MAPT: variants seen among roughly 807,000 people sequenced by gnomAD.
MAPT encodes the protein microtubule-associated protein tau.
Under a neutral mutation model 67.9 loss-of-function variants are expected in MAPT, and 34 were observed. The observed-to-expected ratio is 0.50, with a 90% CI of 0.38 to 0.67. The LOEUF (loss-of-function observed/expected upper bound fraction) is 0.67. Among genes scored for constraint, MAPT ranks in the 30% least tolerant of loss-of-function variants. The probability of loss-of-function intolerance (pLI) is 0.00; values close to 1 mark genes in which losing one functional copy is unlikely to be tolerated. For missense variants in MAPT, 881 were observed against 1,115.2 expected, an observed-to-expected ratio of 0.79 and a Z score of 2.99; for synonymous variants, 456 against 464.5, an observed-to-expected ratio of 0.98 and a Z score of 0.23.
intron 1 of MAPT, among the ~76,000 whole-genome samples, chr17:45,925,241 G>T (rs1450319677): frequency 6.6e-6 from 1 of 152,236 alleles, no homozygotes; most frequent in African/African-American, 2.4e-5. Context: ...GCCCCGGGCT[G>T]CAGTGGTTTC....
intron 12 of MAPT, among the ~76,000 whole-genome samples, chr17:46,019,231 C>T (rs2076372838): frequency 6.6e-6 from 1 of 152,130 alleles, no homozygotes; most frequent in African/African-American, 2.4e-5. Context: ...TTTATAAAAC[C>T]ATCAGACCTC....
intron 1 of MAPT, among the ~76,000 whole-genome samples, chr17:45,919,166 G>A (rs2065461371): frequency 2.6e-5 from 4 of 152,014 alleles, no homozygotes; most frequent in South Asian, 4.1e-4. Flanking sequence ...GAGTCTTGGC[G>A]TCTCCCTGAC....
chr17:46,003,436 G>A (rs565669134), intron 9 of MAPT, among the ~76,000 whole-genome samples: 12 of 152,058 alleles, frequency 7.9e-5, no homozygotes, highest in Admixed American at 1.3e-4. Context: ...ACACCACCAT[G>A]CCTAGCAAAT....
chr17:46,024,221 T>C lies in MAPT; in HGVS notation c.*50T>C, dbSNP rs753174273. On this transcript the variant is annotated 3_prime_UTR_variant, in exon 13 of 13. Coordinates refer to ENST00000262410, the MANE Select transcript of MAPT (RefSeq NM_001377265.1). ...TTGTGGAGAGGAGAGAATGAGAGAG[T>C]GTGGAAAAAAAAAGAATAATGACCC... The C allele has an allele frequency of 7.2e-6, 11 of 1,538,334 alleles. No individual in the cohort carries two copies. In the South Asian group the frequency reaches 7.8e-5, roughly 11 times the overall value.
rs190003436 is a variant in MAPT, at chr17:45,916,294, C to G, written c.-18+21608C>G. Reference sequence around the variant, plus strand: ...TTTAATGACTGCGCTGTTGCGTGTGCTCTGCAGAGGGCGGGTGGCCCAGCG... The same window carrying G: ...TTTAATGACTGCGCTGTTGCGTGTGGTCTGCAGAGGGCGGGTGGCCCAGCG... On this transcript the variant is annotated intron_variant, in intron 1 of 12. Transcript: ENST00000262410. 1.7e-3 allele frequency among the ~76,000 whole-genome samples: 252 copies of G among 152,376 alleles called. 1 individual carries two copies. Among genetic ancestry groups the G allele is most frequent in the African/African-American group, 5.6e-3 (235 of 41,600 alleles).
intron 1 of MAPT, among the ~76,000 whole-genome samples, chr17:45,916,727 C>A (rs908741025): frequency 6.6e-6 from 1 of 152,234 alleles, no homozygotes; most frequent in Non-Finnish European, 1.5e-5. Flanking sequence ...AGAGAGGTGC[C>A]AGCATCACAA....
At chr17:45,937,707 G>A (rs1177598151) in intron 1 of MAPT, among the ~76,000 whole-genome samples, 1 of 151,742 alleles carries the variant, frequency 6.6e-6, no homozygotes, top group African/African-American at 2.4e-5. Flanking sequence ...CGTCATTCTG[G>A]GGCCCTCAGT....
chr17:45,909,909 G>A (rs2064637045), intron 1 of MAPT, among the ~76,000 whole-genome samples: 1 of 147,134 alleles, frequency 6.8e-6, no homozygotes, highest in Admixed American at 6.9e-5. Context: ...GCCTGGTGGA[G>A]CACTACGTGT....
Position 45,906,127 on chromosome 17 carries a change from C to G in MAPT, c.-18+11441C>G, listed in dbSNP as rs1282915857. Reference sequence around the variant, plus strand: ...TCTTTGGAAGGAAGGAGCCCCAAACCAGGGTGCAAGACAGTGGGTGGGGGT... The same window carrying G: ...TCTTTGGAAGGAAGGAGCCCCAAACGAGGGTGCAAGACAGTGGGTGGGGGT... On this transcript the variant is annotated intron_variant, in intron 1 of 12. Transcript: ENST00000262410. This position sits in a 1 kb window ranked among gnomAD's most constrained non-coding sequence, Gnocchi z 4.3. Among the ~76,000 whole-genome samples, 1 of 152,166 alleles carries G rather than the reference C, an allele frequency of 6.6e-6. No homozygotes were observed. Among genetic ancestry groups the G allele is most frequent in the East Asian group, 1.9e-4 (1 of 5,198 alleles).
intron 1 of MAPT, among the ~76,000 whole-genome samples, chr17:45,948,834 G>A (rs1440870515): frequency 6.6e-6 from 1 of 152,208 alleles, no homozygotes; most frequent in Non-Finnish European, 1.5e-5. Flanking sequence ...AAAATTCCTG[G>A]TGGTGCAGAA....
chr17:46,012,857 A>AC (rs889582758), intron 10 of MAPT, among the ~76,000 whole-genome samples: 3 of 134,746 alleles, frequency 2.2e-5, no homozygotes, highest in Non-Finnish European at 4.7e-5. Context: ...GCCCTGGTCC[A>AC]CCCCCTCAGT....
At position 45,990,003 on chromosome 17, in the gene MAPT, T is replaced by C. The variant is rs757041700; in HGVS notation, c.1533T>C (p.Pro511=). The part of the protein sequence containing the change: ...PSSPAVCPEP[P]SSPKYVSSVT... ...GCCCTGCTGTGTGCCCAGAGCCACC[T>C]TCCTCTCCTAAATACGTCTCTTCTG... The change falls in exon 7 of 13, where the codon CCT becomes CCC. Residue 511 remains proline, a synonymous_variant. Coordinates refer to ENST00000262410, the MANE Select transcript of MAPT (RefSeq NM_001377265.1). 4 of 1,614,152 alleles carry C rather than the reference T, an allele frequency of 2.5e-6. No homozygotes were observed. Among genetic ancestry groups the C allele is most frequent in the Admixed American group, 3.3e-5 (2 of 60,018 alleles).
rs1226994305 is a variant in MAPT, at chr17:45,984,040, T to A, written c.1351+110T>A. The A allele has an allele frequency of 3.2e-6, 3 of 943,710 alleles. No individual in the cohort carries two copies. In the Admixed American group the frequency reaches 7.0e-5, roughly 22 times the overall value. The allele number at this position is 943,710 out of a possible 1,614,324, so 58.5% of individuals were successfully genotyped here. A position where few individuals can be genotyped will look rare whatever the true frequency, so the allele number is the denominator to read the frequency against. ...CTCCCGACTCCTGCTGCTTCTGACGTTCCTAGGACGCCACTAAATCGACAC... is the reference window on the plus strand; with the variant it reads ...CTCCCGACTCCTGCTGCTTCTGACGATCCTAGGACGCCACTAAATCGACAC... On this transcript the variant is annotated intron_variant, in intron 5 of 12. Transcript: ENST00000262410.
chr17:45,941,350 C>T (rs1295916085), intron 1 of MAPT, among the ~76,000 whole-genome samples: 1 of 152,096 alleles, frequency 6.6e-6, no homozygotes, highest in Admixed American at 6.5e-5. Flanking sequence ...TTTCTTAAGG[C>T]TCTTGGAAGA....
At chr17:46,017,888 G>A (rs1164468369) in intron 11 of MAPT, among the ~76,000 whole-genome samples, 1 of 151,246 alleles carries the variant, frequency 6.6e-6, no homozygotes, top group Non-Finnish European at 1.5e-5. Context: ...GCTCATGCCT[G>A]TAATCCCAGC....
intron 3 of MAPT, 26 bp from the exon 4 acceptor site, chr17:45,978,349 C>G (rs750675551): frequency 3.1e-6 from 5 of 1,588,456 alleles, no homozygotes; most frequent in Admixed American, 1.7e-5. Context: ...CTTTTACCCC[C>G]CTTCATTTGC....
chr17:45,984,496 G>A (rs928679122), intron 5 of MAPT, among the ~76,000 whole-genome samples: 4 of 152,236 alleles, frequency 2.6e-5, no homozygotes, highest in Non-Finnish European at 5.9e-5. Flanking sequence ...GAGTGTGGAC[G>A]CCTAACACAG....
At chr17:45,985,870 T>G (rs2073488522) in intron 5 of MAPT, 2 of 224,008 alleles carry the variant, frequency 8.9e-6, no homozygotes, top group African/African-American at 2.3e-5. Context: ...CATAGTATAG[T>G]TGGAAAACCT....
rs1041181577 is a variant in MAPT at position 46,025,646 on chromosome 17, T to C, written c.*1475T>C. ...CTGCTCAGCTGTGACCCTAGGTGTTTCTGCCTTGTTGACATGGAGAGAGCC... is the reference window on the plus strand; with the variant it reads ...CTGCTCAGCTGTGACCCTAGGTGTTCCTGCCTTGTTGACATGGAGAGAGCC... On this transcript the variant is annotated 3_prime_UTR_variant, in exon 13 of 13. Coordinates refer to ENST00000262410, the MANE Select transcript of MAPT (RefSeq NM_001377265.1). 1.3e-5 allele frequency: 2 copies of C among 152,474 alleles called. No homozygotes were observed. The highest frequency in any genetic ancestry group is 4.8e-5 in the African/African-American group (2 of 41,466). 9.4% of individuals were successfully genotyped at this position (152,474 alleles called of 1,614,324 possible).
Sources: gnomAD v4.1 joint callset for allele counts (sites outside exome capture counted in the v4.1 genomes callset) on GRCh38, gnomAD v4.1.1 for gene constraint, Gnocchi (gnomAD v3.1) non-coding constraint, MANE v1.5 for transcripts, NCBI Gene and HGNC (gene_info 2026-07-23, HGNC 2026-07-21) for gene names.